RANBP2: variants seen among roughly 807,000 people sequenced by gnomAD.
RANBP2 encodes the protein RAN binding protein 2.
In RANBP2, 57 loss-of-function variants were observed where a neutral mutation model predicts 303.6. The observed-to-expected ratio is 0.19, with a 90% CI of 0.15 to 0.23. The LOEUF is 0.23. RANBP2 is among the 10% of genes least tolerant of loss of function. The pLI, the probability that RANBP2 is intolerant of heterozygous loss-of-function variation, is 1.00. For missense variants in RANBP2, 3,138 were observed against 3,780.8 expected (o/e 0.83, Z 4.46); for synonymous variants, 1,167 against 1,301.5 (o/e 0.90, Z 2.23).
the RANBP2 span, among the ~76,000 whole-genome samples, chr2:109,026,578 C>T: frequency 6.6e-6 from 1 of 152,174 alleles, no homozygotes; most frequent in East Asian, 1.9e-4. Flanking sequence ...GAGGAAGCAC[C>T]GTTAGTGTAG....
chr2:109,599,835 G>T, the RANBP2 span, among the ~76,000 whole-genome samples: 1 of 152,096 alleles, frequency 6.6e-6, no homozygotes, highest in African/African-American at 2.4e-5. Flanking sequence ...CTCCTAATTA[G>T]AAATTTATTA....
At chr2:109,538,288 C>T in the RANBP2 span, among the ~76,000 whole-genome samples, 2 of 152,204 alleles carry the variant, frequency 1.3e-5, no homozygotes, top group African/African-American at 4.8e-5. Context: ...CACACCTAGA[C>T]AGTCCAGGAT....
chr2:109,485,537 C>A, the RANBP2 span, among the ~76,000 whole-genome samples: 6,727 of 152,240 alleles, frequency 0.044, 152 homozygotes, highest in Non-Finnish European at 0.055. Flanking sequence ...TAGAGGAGCC[C>A]CCATCTTAAT....
the RANBP2 span, among the ~76,000 whole-genome samples, chr2:108,938,699 G>A: frequency 2.0e-5 from 3 of 152,072 alleles, no homozygotes; most frequent in South Asian, 6.2e-4. Flanking sequence ...AAAATTGAGG[G>A]AAAGCATTTT....
chr2:109,557,851 C>CTTTTT, the RANBP2 span, among the ~76,000 whole-genome samples: 1 of 140,806 alleles, frequency 7.1e-6, no homozygotes, highest in Non-Finnish European at 1.5e-5. Context: ...TCATAATTTT[C>CTTTTT]TTTTTTTTTT....
chr2:109,156,665 C>T, the RANBP2 span, among the ~76,000 whole-genome samples: 2 of 152,104 alleles, frequency 1.3e-5, no homozygotes, highest in Non-Finnish European at 1.5e-5. Context: ...AGGCTGGTCA[C>T]GAACTCCTGA....
the RANBP2 span, among the ~76,000 whole-genome samples, chr2:109,282,210 G>A: frequency 1.5e-4 from 23 of 152,104 alleles, no homozygotes; most frequent in Admixed American, 5.2e-4. Flanking sequence ...GTTTATTGGG[G>A]TTAAACCTGC....
At chr2:109,161,631 A>G in the RANBP2 span, among the ~76,000 whole-genome samples, 2 of 151,924 alleles carry the variant, frequency 1.3e-5, no homozygotes, top group African/African-American at 2.4e-5. Flanking sequence ...GCAACTGGCA[A>G]GGGTCTCAGG....
chr2:109,313,954 G>A, the RANBP2 span, among the ~76,000 whole-genome samples: 1 of 152,136 alleles, frequency 6.6e-6, no homozygotes, highest in South Asian at 2.1e-4. Context: ...TTGTTTTGTA[G>A]GGCACAAGAC....
the RANBP2 span, chr2:109,127,444 G>A: frequency 2.0e-5 from 3 of 152,240 alleles, no homozygotes; most frequent in Non-Finnish European, 4.4e-5. Flanking sequence ...CATTCTAATG[G>A]CATGTAAACT....
chr2:109,186,397 G>A, the RANBP2 span, among the ~76,000 whole-genome samples: 1 of 152,222 alleles, frequency 6.6e-6, no homozygotes, highest in African/African-American at 2.4e-5. Flanking sequence ...ATTAAGAGGC[G>A]GAGCCTCGAT....
the RANBP2 span, among the ~76,000 whole-genome samples, chr2:109,431,877 A>C: frequency 6.6e-6 from 1 of 152,174 alleles, no homozygotes; most frequent in African/African-American, 2.4e-5. Context: ...TTTCAAAAAA[A>C]AAAAGGTCAA....
At chr2:109,402,087 T>C in the RANBP2 span, among the ~76,000 whole-genome samples, 10 of 152,228 alleles carry the variant, frequency 6.6e-5, no homozygotes, top group Non-Finnish European at 1.0e-4. Flanking sequence ...GGGCACCTGG[T>C]GCAGGTGTGA....
At chr2:109,029,153 A>G in the RANBP2 span, among the ~76,000 whole-genome samples, 1 of 152,152 alleles carries the variant, frequency 6.6e-6, no homozygotes, top group Non-Finnish European at 1.5e-5. Context: ...ATAAATAAAT[A>G]AATAAATAAG....
the RANBP2 span, among the ~76,000 whole-genome samples, chr2:108,873,832 G>A: frequency 1.3e-5 from 2 of 152,120 alleles, no homozygotes; most frequent in Non-Finnish European, 1.5e-5. Context: ...ATCCTGGGCC[G>A]CATGCAGCCC....
At chr2:109,689,414 T>C in the RANBP2 span, among the ~76,000 whole-genome samples, 1 of 152,114 alleles carries the variant, frequency 6.6e-6, no homozygotes, top group Non-Finnish European at 1.5e-5. Flanking sequence ...GCCTGAATTC[T>C]AACACCTTTT....
At chr2:109,049,496 C>A in the RANBP2 span, among the ~76,000 whole-genome samples, 276 of 152,308 alleles carry the variant, frequency 1.8e-3, 1 homozygote, top group African/African-American at 6.1e-3. Flanking sequence ...TGACCCCTCA[C>A]CCCTCTGAAG....
chr2:109,456,852 T>G, the RANBP2 span, among the ~76,000 whole-genome samples: 2 of 152,238 alleles, frequency 1.3e-5, no homozygotes, highest in Admixed American at 1.3e-4. Flanking sequence ...CTACTGCTAG[T>G]CAGCTTCTCT....
the RANBP2 span, among the ~76,000 whole-genome samples, chr2:109,404,457 T>C: frequency 6.6e-6 from 1 of 152,200 alleles, no homozygotes; most frequent in African/African-American, 2.4e-5. Flanking sequence ...GCAGCCACTC[T>C]GCAGGGGCAG....
Sources: gnomAD v4.1 joint callset for allele counts (sites outside exome capture counted in the v4.1 genomes callset) on GRCh38, gnomAD v4.1.1 for gene constraint, MANE v1.5 for transcripts, NCBI Gene and HGNC (gene_info 2026-07-23, HGNC 2026-07-21) for gene names.